The following ADGRG4 variants were observed in gnomAD, a reference collection of about 807,000 sequenced individuals.
ADGRG4 encodes the protein adhesion G protein-coupled receptor G4.
A neutral mutation model predicts 126.2 loss-of-function variants in ADGRG4; 122 were observed. That is an observed-to-expected ratio of 0.97 (90% CI 0.83 to 1.12). The LOEUF (loss-of-function observed/expected upper bound fraction) is 1.12. Ranked by LOEUF, ADGRG4 falls within the 50% of genes most tolerant of loss-of-function variation. The pLI is 0.00. For synonymous variants in ADGRG4, 943 were observed against 838.7 expected (o/e 1.12, Z -2.15); for missense variants, 2,481 against 2,251.8 (o/e 1.10, Z -2.06).
intron 20 of ADGRG4, 53 bp downstream of exon 20, chrX:136,398,055 T>A: frequency 9.1e-7 from 1 of 1,104,561 alleles, no homozygotes; most frequent in East Asian, 3.0e-5. Context: ...TGATGGATGC[T>A]ATTACCATTG....
chrX:136,349,912 C>G lies in ADGRG4; in HGVS notation c.6206C>G (p.Thr2069Ser). 8.3e-7 allele frequency: 1 copy of G among 1,210,884 alleles called. No individual in the cohort carries two copies. Among genetic ancestry groups the G allele is most frequent in the Non-Finnish European group, 1.1e-6 (1 of 894,942 alleles). The change falls in exon 6 of 26, where the codon ACC becomes AGC. Residue 2069 changes from threonine to serine, a missense_variant. Transcript: ENST00000394143. ...LPSATMSTIL[T>S]RTIPTPTLGG... ...TCTGCTACTATGAGCACCATACTCA[C>G]CCGAACCATTCCTACACCTACACTG...
intron 24 of ADGRG4, among the ~76,000 whole-genome samples, chrX:136,413,428 T>C (rs2075457957): frequency 9.0e-6 from 1 of 111,194 alleles, no homozygotes; most frequent in African/African-American, 3.3e-5. Flanking sequence ...TCATCATTTT[T>C]TATGGCTGCA....
At chrX:136,387,053 T>A (rs1202437240) in intron 15 of ADGRG4, among the ~76,000 whole-genome samples, 1 of 111,726 alleles carries the variant, frequency 9.0e-6, no homozygotes, top group Non-Finnish European at 1.9e-5. Flanking sequence ...AACAAAAGAT[T>A]GAACTCACAG....
Position 136,348,559 on chromosome X carries a change from C to T in ADGRG4, c.4853C>T (p.Ala1618Val), listed in dbSNP as rs1455373624. ...LDVTPVIYAG[A>V]TSKNKMVSSA... ...GTCACACCTGTGATATATGCTGGGG[C>T]TACTTCAAAAAACAAAATGGTTTCC... is the stretch of plus-strand genomic sequence containing the variant. The change falls in exon 6 of 26, where the codon GCT becomes GTT. Residue 1618 changes from alanine (A) to valine (V), a missense_variant. Ala to Val is a moderately conservative substitution (Grantham distance 64, BLOSUM62 0). Coordinates refer to ENST00000394143, the MANE Select transcript of ADGRG4 (RefSeq NM_153834.4). 3.3e-6 allele frequency: 4 copies of T among 1,209,006 alleles called. No individual in the cohort carries two copies. The highest frequency in any genetic ancestry group is 3.5e-5 in the South Asian group (2 of 56,908).
intron 16 of ADGRG4, among the ~76,000 whole-genome samples, chrX:136,388,720 G>A (rs754270349): frequency 9.0e-6 from 1 of 111,599 alleles, no homozygotes; most frequent in African/African-American, 3.3e-5. Context: ...AGTAATCAGA[G>A]TTTGCATGAA....
intron 15 of ADGRG4, among the ~76,000 whole-genome samples, chrX:136,383,623 G>A (rs963201698): frequency 6.3e-5 from 7 of 111,269 alleles, no homozygotes; most frequent in South Asian, 3.8e-4. Flanking sequence ...TAATTGGAGC[G>A]TGTAGTTTTT....
Position 136,416,527 on chromosome X carries a change from T to A in ADGRG4, c.*36T>A. On this transcript the variant is annotated 3_prime_UTR_variant, in exon 26 of 26. Coordinates refer to ENST00000394143, the MANE Select transcript of ADGRG4 (RefSeq NM_153834.4). Reference sequence around the variant, plus strand: ...TGTGCCTAATTATGTAAAAAGAATATAATACCTGTGGAAATAAAAATGAAT... The same window carrying A: ...TGTGCCTAATTATGTAAAAAGAATAAAATACCTGTGGAAATAAAAATGAAT... 9.3e-7 allele frequency: 1 copy of A among 1,069,721 alleles called. No homozygotes were observed. The highest frequency in any genetic ancestry group is 1.3e-6 in the Non-Finnish European group (1 of 771,679). 88.2% of individuals were successfully genotyped at this position (1,069,721 alleles called of 1,213,427 possible).
chrX:136,361,204 G>A (rs1170387967), intron 11 of ADGRG4, among the ~76,000 whole-genome samples: 1 of 108,801 alleles, frequency 9.2e-6, no homozygotes, highest in African/African-American at 3.3e-5. Context: ...GACTAAATAT[G>A]TGGTTATACT....
Position 136,347,245 on chromosome X carries a change from C to G in ADGRG4, c.3539C>G (p.Thr1180Ser). The G allele has an allele frequency of 8.3e-7, 1 of 1,211,209 alleles. No homozygotes were observed. Among genetic ancestry groups the G allele is most frequent in the Non-Finnish European group, 1.1e-6 (1 of 895,011 alleles). The change falls in exon 6 of 26, where the codon ACT becomes AGT. Residue 1180 changes from threonine to serine, a missense_variant. Thr to Ser is a moderately conservative substitution (Grantham distance 58, BLOSUM62 1). Coordinates refer to ENST00000394143, the MANE Select transcript of ADGRG4 (RefSeq NM_153834.4). ...ATQPISQVEE[T>S]STYALSFPYT... Reference sequence around the variant, plus strand: ...CAACCAATATCTCAAGTAGAGGAGACTTCTACCTATGCTCTCAGCTTCCCA... The same window carrying G: ...CAACCAATATCTCAAGTAGAGGAGAGTTCTACCTATGCTCTCAGCTTCCCA...
At chrX:136,315,396 T>G (rs1019482735) in intron 4 of ADGRG4, among the ~76,000 whole-genome samples, 2 of 111,118 alleles carry the variant, frequency 1.8e-5, no homozygotes, top group Non-Finnish European at 3.8e-5. Context: ...CCTCCTCAAG[T>G]GAGTATCTGC....
Position 136,363,528 on chromosome X carries a change from A to G in ADGRG4, c.7329A>G (p.Lys2443=). Residue 2443 remains lysine, a synonymous_variant, in exon 13 of 26, where the codon AAA becomes AAG. Coordinates refer to ENST00000394143, the MANE Select transcript of ADGRG4 (RefSeq NM_153834.4). ...GKSQWEKPKF[K]QCKLLQELPD... Reference sequence around the variant, plus strand: ...CTCAGTGGGAAAAGCCAAAGTTTAAACAATGCAAATTGCTTCAAGAACTTC... The same window carrying G: ...CTCAGTGGGAAAAGCCAAAGTTTAAGCAATGCAAATTGCTTCAAGAACTTC... 1.7e-6 allele frequency: 2 copies of G among 1,205,661 alleles called. No individual in the cohort carries two copies. Among genetic ancestry groups the G allele is most frequent in the Non-Finnish European group, 1.1e-6 (1 of 889,812 alleles).
intron 9 of ADGRG4, 76 bp downstream of exon 9, chrX:136,356,241 C>A (rs1308965821): frequency 1.6e-6 from 1 of 638,482 alleles, no homozygotes; most frequent in Non-Finnish European, 2.4e-6. Flanking sequence ...AGCTCTTCCA[C>A]CCAAGTATAT....
chrX:136,301,701 T>G (rs1041793854), intron 1 of ADGRG4, among the ~76,000 whole-genome samples: 32 of 112,249 alleles, frequency 2.9e-4, no homozygotes, highest in African/African-American at 1.0e-3. Flanking sequence ...CTTCTAGGGT[T>G]TTTATGGTTT....
At chrX:136,405,151 T>C (rs1195496420) in intron 22 of ADGRG4, among the ~76,000 whole-genome samples, 2 of 112,153 alleles carry the variant, frequency 1.8e-5, no homozygotes, top group Non-Finnish European at 3.8e-5. Context: ...ACACCTAGAG[T>C]TCTCTTTTTG....
chrX:136,333,829 T>C (rs889636487), intron 5 of ADGRG4, among the ~76,000 whole-genome samples: 3 of 112,369 alleles, frequency 2.7e-5, no homozygotes, highest in Non-Finnish European at 3.8e-5. Flanking sequence ...AAAATTCTTT[T>C]TATATGGGCT....
At chrX:136,330,446 T>C (rs932837395) in intron 5 of ADGRG4, among the ~76,000 whole-genome samples, 1 of 109,788 alleles carries the variant, frequency 9.1e-6, no homozygotes, top group African/African-American at 3.3e-5. Context: ...GTTGAGTGTC[T>C]CAATAGTTTA....
chrX:136,380,778 C>T (rs2075259513), intron 15 of ADGRG4, among the ~76,000 whole-genome samples: 1 of 107,767 alleles, frequency 9.3e-6, no homozygotes, highest in Admixed American at 1.0e-4. Flanking sequence ...GTGGTGTGAC[C>T]GTAGCTCACA....
intron 15 of ADGRG4, among the ~76,000 whole-genome samples, chrX:136,387,230 C>T: frequency 8.9e-6 from 1 of 112,434 alleles, no homozygotes; most frequent in Admixed American, 9.4e-5. Flanking sequence ...GAGCATGCAG[C>T]AGAATTGCTA....
chrX:136,364,894 A>G (rs1235036315), intron 13 of ADGRG4, among the ~76,000 whole-genome samples: 1 of 112,037 alleles, frequency 8.9e-6, no homozygotes, highest in Non-Finnish European at 1.9e-5. Flanking sequence ...AAGTAGGGGT[A>G]TACCTAAAGC....
Sources: gnomAD v4.1 joint callset for allele counts (sites outside exome capture counted in the v4.1 genomes callset) on GRCh38, gnomAD v4.1.1 for gene constraint, MANE v1.5 for transcripts, NCBI Gene and HGNC (gene_info 2026-07-23, HGNC 2026-07-21) for gene names.